Variants in RBFOX1 observed in about 807,000 individuals in gnomAD.
The protein encoded by RBFOX1 is RNA binding protein fox-1 homolog 1.
Under a neutral mutation model 57.7 loss-of-function variants are expected in RBFOX1, and 8 were observed. The ratio of observed to expected loss-of-function variants is 0.14; its 90% confidence interval spans 0.08 to 0.25. The LOEUF (loss-of-function observed/expected upper bound fraction) is 0.25. Ranked by LOEUF, RBFOX1 falls within the 10% of genes least tolerant of loss-of-function variation. RBFOX1 has a pLI of 1.00. For missense variants in RBFOX1, 611 were observed against 548.5 expected, an observed-to-expected ratio of 1.11 and a Z score of -1.14; for synonymous variants, 326 against 222.4, an observed-to-expected ratio of 1.47 and a Z score of -4.15.
rs1055471506 is a variant in RBFOX1 at position 7,545,281 on chromosome 16, C to T, written c.270+26892C>T. On this transcript the variant is annotated intron_variant, in intron 5 of 15. Coordinates refer to ENST00000550418, the MANE Select transcript of RBFOX1 (RefSeq NM_018723.4). ...GAAACAGCAGTTTTCCTTTGAGACA[C>T]GAAGCCCACCACTGAGAGAGGCAGG... 1.1e-4 allele frequency among the ~76,000 whole-genome samples: 16 copies of T among 151,914 alleles called. 1 individual carries two copies. Among genetic ancestry groups the T allele is most frequent in the African/African-American group, 1.9e-4 (8 of 41,366 alleles).
At chr16:5,641,588 G>C (rs1203447885) in intron 3 of RBFOX1, among the ~76,000 whole-genome samples, 1 of 152,208 alleles carries the variant, frequency 6.6e-6, no homozygotes, top group Non-Finnish European at 1.5e-5. Flanking sequence ...TTGCAAGTGT[G>C]ATATGAATGG....
At chr16:6,707,801 T>G (rs1052665093) in intron 3 of RBFOX1, among the ~76,000 whole-genome samples, 2 of 152,108 alleles carry the variant, frequency 1.3e-5, no homozygotes, top group African/African-American at 4.8e-5. Flanking sequence ...AATTCTTATT[T>G]ATGTGTTCAA....
chr16:7,675,697 C>G (rs866051492), intron 13 of RBFOX1, among the ~76,000 whole-genome samples: 5 of 151,688 alleles, frequency 3.3e-5, no homozygotes, highest in Admixed American at 1.3e-4. Flanking sequence ...ATGAACCTAC[C>G]TTTCCCTCTC....
intron 4 of RBFOX1, among the ~76,000 whole-genome samples, chr16:7,508,437 C>T (rs965569708): frequency 2.6e-5 from 4 of 152,208 alleles, no homozygotes; most frequent in Non-Finnish European, 4.4e-5. Context: ...ATGGTTTGTG[C>T]GAATGGCTGC....
At chr16:7,641,431 G>T (rs1382849056) in intron 11 of RBFOX1, among the ~76,000 whole-genome samples, 2 of 152,126 alleles carry the variant, frequency 1.3e-5, no homozygotes, top group African/African-American at 4.8e-5. Flanking sequence ...TATCCCTAAT[G>T]GAGAACTTCG....
chr16:7,221,865 T>A lies in RBFOX1; in HGVS notation c.27+169767T>A, dbSNP rs142458880. The stretch of plus-strand genomic sequence containing the variant: ...TTCCCTCCTTGGAGGAGTTCCTGAT[T>A]TAACTTCATAAATCCACAAGAGCTG... On this transcript the variant is annotated intron_variant, in intron 4 of 15. Transcript: ENST00000550418. Among the ~76,000 whole-genome samples, 48 of 152,296 alleles carry A rather than the reference T, an allele frequency of 3.2e-4. No homozygotes were observed. The East Asian group carries it at 7.7e-3, about 24-fold the overall frequency.
At chr16:5,803,542 C>A (rs1026318630) in intron 3 of RBFOX1, among the ~76,000 whole-genome samples, 1 of 152,078 alleles carries the variant, frequency 6.6e-6, no homozygotes, top group Non-Finnish European at 1.5e-5. Flanking sequence ...AAATCATGAC[C>A]GTGAAGCATA....
Position 7,043,473 on chromosome 16 carries a change from G to A in RBFOX1, c.-15-8584G>A, listed in dbSNP as rs544862352. Among the ~76,000 whole-genome samples, 3 of 152,222 alleles carry A rather than the reference G, an allele frequency of 2.0e-5. No homozygotes were observed. The East Asian group carries it at 5.8e-4, about 29-fold the overall frequency. On this transcript the variant is annotated intron_variant, in intron 3 of 15. Coordinates refer to ENST00000550418, the MANE Select transcript of RBFOX1 (RefSeq NM_018723.4). Reference sequence around the variant, plus strand: ...GCATCAAGGAAAACGCAAACTCCAGGGCTCACCCTAGGTACTTGGAGACGT... The same window carrying A: ...GCATCAAGGAAAACGCAAACTCCAGAGCTCACCCTAGGTACTTGGAGACGT...
chr16:6,780,890 G>C (rs2080902121), intron 3 of RBFOX1, among the ~76,000 whole-genome samples: 1 of 151,968 alleles, frequency 6.6e-6, no homozygotes, highest in Admixed American at 6.6e-5. Flanking sequence ...TGTTCTGGCA[G>C]TTATTCTCTT....
At chr16:5,820,317 G>A (rs1320181978) in intron 3 of RBFOX1, among the ~76,000 whole-genome samples, 1 of 152,148 alleles carries the variant, frequency 6.6e-6, no homozygotes, top group African/African-American at 2.4e-5. Flanking sequence ...GCACAGAGAC[G>A]TTTGCTAAAG....
At chr16:7,477,930 A>T (rs2063083284) in intron 4 of RBFOX1, among the ~76,000 whole-genome samples, 1 of 152,196 alleles carries the variant, frequency 6.6e-6, no homozygotes, top group Admixed American at 6.5e-5. Flanking sequence ...TTATTGCTTG[A>T]TCTGAACCTT....
At chr16:6,630,126 T>A (rs562711161) in intron 2 of RBFOX1, among the ~76,000 whole-genome samples, 17 of 152,236 alleles carry the variant, frequency 1.1e-4, no homozygotes, top group Middle Eastern at 6.8e-3. Context: ...GACATCTCAT[T>A]ATTTTACTCA....
At chr16:7,510,084 C>T (rs1177948270) in intron 4 of RBFOX1, 1 of 959,870 alleles carries the variant, frequency 1.0e-6, no homozygotes, top group Non-Finnish European at 1.2e-6. Flanking sequence ...GCCTTCCTGG[C>T]AGAAAAAGTG....
chr16:6,799,958 A>T (rs1030032031), intron 3 of RBFOX1, among the ~76,000 whole-genome samples: 11 of 152,118 alleles, frequency 7.2e-5, no homozygotes, highest in Non-Finnish European at 1.3e-4. Flanking sequence ...ATGTGAGTCA[A>T]TTCTCCTTAA....
intron 4 of RBFOX1, among the ~76,000 whole-genome samples, chr16:7,102,290 T>A (rs1010586664): frequency 6.6e-6 from 1 of 152,216 alleles, no homozygotes; most frequent in African/African-American, 2.4e-5. Flanking sequence ...TCTTTGTCTA[T>A]CCATAGACTA....
At chr16:6,898,678 A>T (rs2067590472) in intron 3 of RBFOX1, among the ~76,000 whole-genome samples, 1 of 152,124 alleles carries the variant, frequency 6.6e-6, no homozygotes, top group Non-Finnish European at 1.5e-5. Context: ...CTGTGTGTGT[A>T]CATGTGTATA....
intron 3 of RBFOX1, among the ~76,000 whole-genome samples, chr16:6,740,636 C>A (rs529276590): frequency 5.3e-5 from 8 of 152,236 alleles, no homozygotes; most frequent in African/African-American, 1.7e-4. Flanking sequence ...CAATTTTAAT[C>A]ACCCAGAAAA....
At chr16:7,404,074 A>G (rs1456732648) in intron 4 of RBFOX1, among the ~76,000 whole-genome samples, 1 of 25,198 alleles carries the variant, frequency 4.0e-5, no homozygotes, top group Non-Finnish European at 1.2e-4. Flanking sequence ...TTTTATTGAG[A>G]CGGAGTCTCA....
intron 3 of RBFOX1, among the ~76,000 whole-genome samples, chr16:6,844,729 A>C (rs920952533): frequency 6.6e-6 from 1 of 152,154 alleles, no homozygotes; most frequent in African/African-American, 2.4e-5. Flanking sequence ...GTCAAATGGT[A>C]TTTCTGCATC....
Sources: allele counts gnomAD v4.1 joint callset (sites outside exome capture counted in the v4.1 genomes callset), GRCh38; gene constraint gnomAD v4.1.1; transcripts MANE v1.5; gene names NCBI Gene and HGNC (gene_info 2026-07-23, HGNC 2026-07-21).